The following WDR43 variants were observed in gnomAD, a reference collection of about 807,000 sequenced individuals.
WDR43 encodes the protein WD repeat domain 43, also known as WD repeat-containing protein 43.
Under a neutral mutation model 91.4 loss-of-function variants are expected in WDR43, and 13 were observed. The ratio of observed to expected loss-of-function variants is 0.14; its 90% CI spans 0.09 to 0.23. The LOEUF is 0.23. Ranked by LOEUF, WDR43 falls within the 10% of genes least tolerant of loss-of-function variation. WDR43 has a pLI of 1.00. For synonymous variants in WDR43, 331 were observed against 287.9 expected, an observed-to-expected ratio of 1.15 and a Z score of -1.51; for missense variants, 780 against 809.4, an observed-to-expected ratio of 0.96 and a Z score of 0.44.
chr2:28,926,562 C>T lies in WDR43; in HGVS notation c.1173+8C>T. The T allele has an allele frequency of 6.3e-7, 1 of 1,575,858 alleles. No individual in the cohort carries two copies. The highest frequency in any genetic ancestry group is 8.6e-7 in the Non-Finnish European group (1 of 1,159,750). On this transcript the variant is annotated splice_region_variant and intron_variant, in intron 9 of 17. Transcript: ENST00000407426. ...GAAACAGCTATAACAAAGGTGAGCACATTACAAATTTGAAGTTTTAAGAAA... is the reference window on the plus strand; with the variant it reads ...GAAACAGCTATAACAAAGGTGAGCATATTACAAATTTGAAGTTTTAAGAAA...
chr2:28,907,451 A>C (rs1670703830), intron 3 of WDR43, among the ~76,000 whole-genome samples: 2 of 135,970 alleles, frequency 1.5e-5, no homozygotes, highest in South Asian at 2.5e-4. Context: ...CTTTACAAAA[A>C]AAAAAAAAAA....
At chr2:28,921,501 T>C (rs1429605302) in intron 6 of WDR43, among the ~76,000 whole-genome samples, 3 of 152,226 alleles carry the variant, frequency 2.0e-5, no homozygotes, top group Non-Finnish European at 4.4e-5. Context: ...GCACTTCATG[T>C]AAGATTGTAG....
At position 28,929,621 on chromosome 2, in the gene WDR43, C is replaced by CACA; in HGVS notation, c.1350_1352dup (p.His450_Lys451insAsn). ...TCTGGGAGCAATGGATATAGACACACACAAAAAAGGAAAGGAAGACCTCCA... is the reference window on the plus strand; with the variant it reads ...TCTGGGAGCAATGGATATAGACACACACAACAAAAAAGGAAAGGAAGACCTCCA... On this transcript the variant is annotated inframe_insertion, in exon 11 of 18. Coordinates refer to ENST00000407426, the MANE Select transcript of WDR43 (RefSeq NM_015131.3). 6.2e-7 allele frequency: 1 copy of CACA among 1,613,330 alleles called. No individual in the cohort carries two copies. Among genetic ancestry groups the CACA allele is most frequent in the Non-Finnish European group, 8.5e-7 (1 of 1,179,616 alleles).
intron 11 of WDR43, among the ~76,000 whole-genome samples, chr2:28,932,526 A>G (rs1048639548): frequency 2.0e-5 from 3 of 152,212 alleles, no homozygotes; most frequent in East Asian, 1.9e-4. Flanking sequence ...CTAGGAGATT[A>G]TGCATTTATA....
chr2:28,940,217 A>G (rs1184970489), intron 14 of WDR43, among the ~76,000 whole-genome samples: 2 of 150,464 alleles, frequency 1.3e-5, no homozygotes, highest in South Asian at 2.1e-4. Flanking sequence ...TGGGGAAGCC[A>G]GCGTTGTTCT....
At chr2:28,915,587 C>T (rs1343327631) in intron 5 of WDR43, among the ~76,000 whole-genome samples, 1 of 152,026 alleles carries the variant, frequency 6.6e-6, no homozygotes, top group Non-Finnish European at 1.5e-5. Flanking sequence ...TAAAATTAAC[C>T]ACACACACAA....
At chr2:28,904,977 T>C (rs1291957214) in intron 2 of WDR43, 1 of 152,222 alleles carries the variant, frequency 6.6e-6, no homozygotes, top group African/African-American at 2.4e-5. Context: ...AGCATGTGAC[T>C]ATTTGTCAGA....
At chr2:28,926,415 T>C in intron 8 of WDR43, 53 bp from the exon 9 acceptor site, 1 of 1,327,328 alleles carries the variant, frequency 7.5e-7, no homozygotes, top group Non-Finnish European at 1.0e-6. Flanking sequence ...TGTTTGACAC[T>C]CTTTTTTTTT....
At chr2:28,935,500 A>C (rs1300236789) in intron 11 of WDR43, 21 bp from the exon 12 acceptor site, 24 of 1,535,454 alleles carry the variant, frequency 1.6e-5, no homozygotes, top group Non-Finnish European at 1.7e-5. Flanking sequence ...TCATCTTAAT[A>C]ATCCTTTTAT....
chr2:28,925,102 G>A lies in WDR43; in HGVS notation c.1035G>A (p.Met345Ile). 1 of 1,613,908 alleles carries A rather than the reference G, an allele frequency of 6.2e-7. No homozygotes were observed. Among genetic ancestry groups the A allele is most frequent in the South Asian group, 1.1e-5 (1 of 91,072 alleles). The change falls in exon 8 of 18, where the codon ATG becomes ATA. Residue 345 changes from methionine (M) to isoleucine (I), a missense_variant. By Grantham distance (10) the Met-to-Ile change is conservative. Around this residue, in one of 4 missense-constraint regions of WDR43, gnomAD observed 426 missense variants for 467.8 expected, o/e 0.91. Transcript: ENST00000407426. ...CTGCTGGTTTTTGCTCAGACAAAAT[G>A]TCATTGTTGCTTGTATATGGCAGTT... Reference protein sequence around the residue: ...ILAAGFCSDKMSLLLVYGSWF... With the variant: ...ILAAGFCSDKISLLLVYGSWF...
intron 16 of WDR43, among the ~76,000 whole-genome samples, chr2:28,944,090 G>A (rs545023944): frequency 9.9e-4 from 150 of 152,144 alleles, no homozygotes; most frequent in Middle Eastern, 6.8e-3. Context: ...CTTTTCAATC[G>A]GTCATCTGTG....
rs1671101924 is a variant in WDR43 at position 28,925,061 on chromosome 2, C to A, written c.994C>A (p.Pro332Thr). ...GAAAGGCAAGAAGTCAACACCAAAA[C>A]CCATCCCTATTCTAGCTGCTGGTTT... ...PGKGKKSTPK[P>T]IPILAAGFCS... Residue 332 changes from proline (P) to threonine (T), a missense_variant, in exon 8 of 18, where the codon CCC (proline) becomes ACC (threonine). Physicochemically the swap from Pro to Thr is conservative, Grantham distance 38. Coordinates refer to ENST00000407426, the MANE Select transcript of WDR43 (RefSeq NM_015131.3). The A allele has an allele frequency of 6.2e-7, 1 of 1,613,852 alleles. No homozygotes were observed. Among genetic ancestry groups the A allele is most frequent in the South Asian group, 1.1e-5 (1 of 91,088 alleles).
intron 3 of WDR43, among the ~76,000 whole-genome samples, chr2:28,908,788 A>T (rs1330968976): frequency 6.6e-6 from 1 of 152,240 alleles, no homozygotes; most frequent in Non-Finnish European, 1.5e-5. Flanking sequence ...CTGTTGTGGA[A>T]GATGAGGATT....
Position 28,941,499 on chromosome 2 carries a change from G to A in WDR43, c.1659G>A (p.Gln553=). Residue 553 remains glutamine, a synonymous_variant, in exon 15 of 18, where the codon CAG becomes CAA. Transcript: ENST00000407426. ...DLVPQLGTLY[Q]LMESRVKTFQ... is the part of the protein sequence containing the mutation. The stretch of plus-strand genomic sequence containing the variant: ...TACCCCAGCTGGGGACACTCTACCA[G>A]TTAATGGAAAGCAGAGTCAAAACTT... The A allele has an allele frequency of 6.2e-7, 1 of 1,613,690 alleles. No individual in the cohort carries two copies. The highest frequency in any genetic ancestry group is 8.5e-7 in the Non-Finnish European group (1 of 1,179,790).
chr2:28,931,272 G>A (rs1671237553), intron 11 of WDR43, among the ~76,000 whole-genome samples: 1 of 152,026 alleles, frequency 6.6e-6, no homozygotes, highest in Non-Finnish European at 1.5e-5. Context: ...AGTAGAGATG[G>A]GGTTTCACCA....
chr2:28,895,354 G>GT, intron 1 of WDR43: 1 of 159,682 alleles, frequency 6.3e-6, no homozygotes, highest in Non-Finnish European at 1.4e-5. Context: ...TGGGCAGTTG[G>GT]TATGGACTAG....
At chr2:28,942,788 G>T (rs548865742) in intron 16 of WDR43, among the ~76,000 whole-genome samples, 3 of 151,604 alleles carry the variant, frequency 2.0e-5, no homozygotes, top group Non-Finnish European at 4.4e-5. Flanking sequence ...GCCAACTTTG[G>T]TATTTTTTTG....
chr2:28,924,146 A>G (rs11676658), intron 7 of WDR43, among the ~76,000 whole-genome samples: 22,564 of 152,190 alleles, frequency 0.15, 2,284 homozygotes, highest in Non-Finnish European at 0.22. Context: ...TGGCTGAAAT[A>G]CAGTGAGGGG....
chr2:28,912,362 C>T (rs150776619), intron 3 of WDR43, among the ~76,000 whole-genome samples: 21 of 152,266 alleles, frequency 1.4e-4, no homozygotes, highest in Admixed American at 5.2e-4. Context: ...TTATCCCATG[C>T]CTGCCAAAGG....
Sources: allele counts gnomAD v4.1 joint callset (sites outside exome capture counted in the v4.1 genomes callset), GRCh38; gene constraint gnomAD v4.1.1; regional missense constraint gnomAD v4.1.1; transcripts MANE v1.5; gene names NCBI Gene and HGNC (gene_info 2026-07-23, HGNC 2026-07-21).